GPC5: variants seen among roughly 807,000 people sequenced by gnomAD.
The protein encoded by GPC5 is glypican-5.
In GPC5, 47 loss-of-function variants were observed where a neutral mutation model predicts 53.9. That is an observed-to-expected ratio of 0.87 (90% CI 0.69 to 1.11). GPC5 has a LOEUF of 1.11. Among genes scored for constraint, GPC5 ranks in the 50% most tolerant of loss-of-function variants. The probability of loss-of-function intolerance (pLI) is 0.00; values close to 1 mark genes in which losing one functional copy is unlikely to be tolerated. For synonymous variants in GPC5, 286 were observed against 263.3 expected, an observed-to-expected ratio of 1.09 and a Z score of -0.84; for missense variants, 748 against 713.1, an observed-to-expected ratio of 1.05 and a Z score of -0.56.
intron 7 of GPC5, among the ~76,000 whole-genome samples, chr13:92,531,309 A>G (rs917090811): frequency 6.6e-6 from 1 of 152,078 alleles, no homozygotes; most frequent in Non-Finnish European, 1.5e-5. Context: ...TGAATAATAC[A>G]TGCTTGAATA....
intron 7 of GPC5, among the ~76,000 whole-genome samples, chr13:92,282,077 G>A (rs2042919740): frequency 6.6e-6 from 1 of 152,186 alleles, no homozygotes; most frequent in Non-Finnish European, 1.5e-5. Context: ...TGAAAACCAT[G>A]GCACGAGAAC....
chr13:92,554,945 T>TA (rs954280106), intron 7 of GPC5, among the ~76,000 whole-genome samples: 17 of 150,780 alleles, frequency 1.1e-4, no homozygotes, highest in African/African-American at 4.1e-4. Flanking sequence ...GAGTTTGTTT[T>TA]TTTTTTATTT....
At chr13:92,315,094 T>C (rs546010847) in intron 7 of GPC5, among the ~76,000 whole-genome samples, 51 of 152,268 alleles carry the variant, frequency 3.3e-4, no homozygotes, top group African/African-American at 1.2e-3. Context: ...GTGTCCTCAA[T>C]TGAGAGAAAT....
chr13:92,437,434 A>G (rs1208862070), intron 7 of GPC5, among the ~76,000 whole-genome samples: 1 of 152,146 alleles, frequency 6.6e-6, no homozygotes, highest in Non-Finnish European at 1.5e-5. Context: ...AACTGAATCA[A>G]TTTTAGAAAT....
intron 7 of GPC5, among the ~76,000 whole-genome samples, chr13:92,178,415 A>AAT (rs1363753766): frequency 4.0e-5 from 6 of 150,586 alleles, no homozygotes; most frequent in African/African-American, 1.2e-4. Flanking sequence ...CCATCATTTT[A>AAT]ATATATATAT....
At chr13:92,769,203 G>C (rs1304672335) in intron 7 of GPC5, among the ~76,000 whole-genome samples, 1 of 152,194 alleles carries the variant, frequency 6.6e-6, no homozygotes, top group Non-Finnish European at 1.5e-5. Context: ...CTTAAGAAAA[G>C]TGCTGGGAAG....
chr13:92,490,302 CAG>C (rs1165004549), intron 7 of GPC5: 1 of 153,100 alleles, frequency 6.5e-6, no homozygotes, highest in African/African-American at 2.4e-5. Context: ...TTTTCACTAA[CAG>C]AAATAATTTT....
intron 7 of GPC5, among the ~76,000 whole-genome samples, chr13:92,852,567 T>A (rs891662265): frequency 6.6e-6 from 1 of 152,130 alleles, no homozygotes; most frequent in African/African-American, 2.4e-5. Flanking sequence ...AGGTGGAAGC[T>A]TTTTTTATTT....
intron 7 of GPC5, among the ~76,000 whole-genome samples, chr13:92,159,175 A>C (rs2041967624): frequency 6.6e-6 from 1 of 152,160 alleles, no homozygotes; most frequent in African/African-American, 2.4e-5. Context: ...CCTATAAATT[A>C]CATTTCCCTG....
chr13:91,986,127 G>A lies in GPC5; in HGVS notation c.1401+78070G>A, dbSNP rs540053985. 4.2e-4 allele frequency among the ~76,000 whole-genome samples: 59 copies of A among 140,800 alleles called. 1 individual carries two copies. The highest frequency in any genetic ancestry group is 1.5e-3 in the African/African-American group (55 of 36,846). The allele number at this position is 140,800 out of a possible 152,430, so 92.4% of individuals were successfully genotyped here. A position where few individuals can be genotyped will look rare whatever the true frequency, so the allele number is the denominator to read the frequency against. On this transcript the variant is annotated intron_variant, in intron 6 of 7. Coordinates refer to ENST00000377067, the MANE Select transcript of GPC5 (RefSeq NM_004466.6). ...GTCGCCCAGGCTGGAGTGCAGTGGC[G>A]AGATCTGGGCTTACTGCAAGCTCCG...
intron 5 of GPC5, among the ~76,000 whole-genome samples, chr13:91,866,035 T>G (rs889256474): frequency 1.3e-5 from 2 of 152,100 alleles, no homozygotes; most frequent in South Asian, 4.1e-4. Context: ...GTCCAGCTAA[T>G]TTTGTATTTT....
intron 7 of GPC5, among the ~76,000 whole-genome samples, chr13:92,633,249 T>C (rs1885313754): frequency 6.6e-6 from 1 of 152,122 alleles, no homozygotes; most frequent in Non-Finnish European, 1.5e-5. Context: ...TGAGAACGTG[T>C]GGGAATTGTG....
At chr13:92,487,587 G>A (rs1390476173) in intron 7 of GPC5, among the ~76,000 whole-genome samples, 1 of 152,104 alleles carries the variant, frequency 6.6e-6, no homozygotes, top group Admixed American at 6.5e-5. Flanking sequence ...ATCCCAGAGA[G>A]CAATGATTTT....
At chr13:92,793,517 C>A (rs1170492422) in intron 7 of GPC5, among the ~76,000 whole-genome samples, 1 of 151,858 alleles carries the variant, frequency 6.6e-6, no homozygotes, top group Non-Finnish European at 1.5e-5. Context: ...TACCAGAAGG[C>A]AAGAAATAAC....
intron 7 of GPC5, among the ~76,000 whole-genome samples, chr13:92,351,719 A>G (rs2043479268): frequency 6.6e-6 from 1 of 152,188 alleles, no homozygotes; most frequent in Non-Finnish European, 1.5e-5. Flanking sequence ...CAAAGGCAGC[A>G]AACTAGAAAG....
At chr13:91,604,511 C>G (rs9515949) in intron 2 of GPC5, among the ~76,000 whole-genome samples, 70,507 of 144,230 alleles carry the variant, frequency 0.49, 21,108 homozygotes, top group East Asian at 0.69. Context: ...AGTTCTAGAT[C>G]CCTGAGGAAT....
chr13:91,649,360 G>C (rs1324400908), intron 2 of GPC5, among the ~76,000 whole-genome samples: 3 of 152,116 alleles, frequency 2.0e-5, no homozygotes, highest in Non-Finnish European at 4.4e-5. Context: ...AGCTGGGACT[G>C]GTTTCACATC....
chr13:92,788,106 T>C (rs1041278860), intron 7 of GPC5, among the ~76,000 whole-genome samples: 2 of 151,982 alleles, frequency 1.3e-5, no homozygotes, highest in South Asian at 2.1e-4. Flanking sequence ...ATGTAAAATA[T>C]GATAAAGCAA....
intron 7 of GPC5, among the ~76,000 whole-genome samples, chr13:92,555,363 T>C (rs1882458751): frequency 1.3e-5 from 2 of 151,562 alleles, no homozygotes; most frequent in Admixed American, 1.3e-4. Context: ...TAAAATAATA[T>C]TTAAATGTTA....
Sources: gnomAD v4.1 joint callset for allele counts (sites outside exome capture counted in the v4.1 genomes callset) on GRCh38, gnomAD v4.1.1 for gene constraint, MANE v1.5 for transcripts, NCBI Gene and HGNC (gene_info 2026-07-23, HGNC 2026-07-21) for gene names.